The following SCN8A variants were observed in gnomAD, a reference collection of about 807,000 sequenced individuals.
SCN8A encodes sodium voltage-gated channel alpha subunit 8, also known as sodium channel protein type 8 subunit alpha.
SCN8A carries 30 observed loss-of-function variants against 184.1 expected under a neutral mutation model. The ratio of observed to expected loss-of-function variants is 0.16; its 90% CI spans 0.12 to 0.22. SCN8A has a LOEUF of 0.22. Among genes scored for constraint, SCN8A ranks in the 10% least tolerant of loss-of-function variants. The pLI is 1.00. For missense variants in SCN8A, 1,057 were observed against 2,498.9 expected, an observed-to-expected ratio of 0.42 and a Z score of 12.30; for synonymous variants, 852 against 907.0, an observed-to-expected ratio of 0.94 and a Z score of 1.09.
intron 11 of SCN8A, among the ~76,000 whole-genome samples, chr12:51,710,637 C>G (rs976121905): frequency 2.0e-5 from 3 of 152,060 alleles, no homozygotes; most frequent in African/African-American, 7.2e-5. Flanking sequence ...CCTGCTTGGG[C>G]AACAGAACAA....
intron 1 of SCN8A, among the ~76,000 whole-genome samples, chr12:51,629,526 G>T (rs1940151615): frequency 1.4e-5 from 2 of 146,546 alleles, no homozygotes; most frequent in African/African-American, 2.6e-5. Flanking sequence ...CAGGTACCTT[G>T]CAACTCTGGT....
chr12:51,721,127 T>G (rs554725788), intron 11 of SCN8A, among the ~76,000 whole-genome samples: 21 of 136,576 alleles, frequency 1.5e-4, no homozygotes, highest in African/African-American at 5.7e-4. Context: ...TATTGTTATA[T>G]ATATAATATT....
Position 51,807,683 on chromosome 12 carries a change from C to A in SCN8A, c.*254C>A. On this transcript the variant is annotated 3_prime_UTR_variant, in exon 27 of 27. Coordinates refer to ENST00000627620, the MANE Select transcript of SCN8A (RefSeq NM_001330260.2). The surrounding 1 kb of genome is among the most constrained non-coding windows in gnomAD (Gnocchi z 4.5). ...TGGTTACTGCATGTTCCACATCAGT[C>A]AATGCAACTTAGGACAAAACTAACC... The A allele has an allele frequency of 1.9e-6, 1 of 534,080 alleles. No individual in the cohort carries two copies. Among genetic ancestry groups the A allele is most frequent in the South Asian group, 2.3e-5 (1 of 43,438 alleles). The allele number at this position is 534,080 out of a possible 1,614,324, so 33.1% of individuals were successfully genotyped here.
Position 51,765,931 on chromosome 12 carries a change from G to A in SCN8A, c.2805G>A (p.Gly935=). The A allele has an allele frequency of 6.2e-7, 1 of 1,614,150 alleles. No homozygotes were observed. The highest frequency in any genetic ancestry group is 8.5e-7 in the Non-Finnish European group (1 of 1,180,022). The stretch of plus-strand genomic sequence containing the variant: ...TCATTGTCTTTCGAGTGTTGTGCGG[G>A]GAGTGGATTGAGACCATGTGGGACT... ...SFLIVFRVLC[G]EWIETMWDCM... is the part of the protein sequence containing the mutation. The change falls in exon 16 of 27, where the codon GGG becomes GGA. Residue 935 remains glycine, a synonymous_variant. Coordinates refer to ENST00000627620, the MANE Select transcript of SCN8A (RefSeq NM_001330260.2).
Position 51,794,648 on chromosome 12 carries a change from G to T in SCN8A, c.4795+7G>T. Reference sequence around the variant, plus strand: ...GTCATCCTCTCCATTGTGGGTGAGTGGGGTTGGGGAAGTAGGCGAGGGGAA... The same window carrying T: ...GTCATCCTCTCCATTGTGGGTGAGTTGGGTTGGGGAAGTAGGCGAGGGGAA... On this transcript the variant is annotated splice_region_variant and intron_variant, in intron 26 of 26. Transcript: ENST00000627620. 1 of 1,613,116 alleles carries T rather than the reference G, an allele frequency of 6.2e-7. No homozygotes were observed. Among genetic ancestry groups the T allele is most frequent in the South Asian group, 1.1e-5 (1 of 90,964 alleles).
chr12:51,603,498 T>C (rs1005208196), intron 1 of SCN8A, among the ~76,000 whole-genome samples: 10 of 152,208 alleles, frequency 6.6e-5, no homozygotes, highest in Non-Finnish European at 1.2e-4. Flanking sequence ...CTGCAAACAT[T>C]CATGTACAGG....
intron 12 of SCN8A, 87 bp from the exon 13 acceptor site, chr12:51,745,816 C>A: frequency 1.8e-6 from 2 of 1,107,986 alleles, no homozygotes; most frequent in Non-Finnish European, 1.2e-6. Context: ...ATGAAGATCA[C>A]ACACTGGACT....
chr12:51,769,662 C>T (rs746777542), intron 17 of SCN8A, among the ~76,000 whole-genome samples: 2 of 152,108 alleles, frequency 1.3e-5, no homozygotes, highest in Non-Finnish European at 2.9e-5. Flanking sequence ...GGGTCATTGC[C>T]GTCCGTGAGT....
In SCN8A at chr12:51,790,801, G is replaced by A. The variant is rs2241853; in HGVS notation, c.4524+299G>A. Among the ~76,000 whole-genome samples the A allele has an allele frequency of 0.14, 21,900 of 152,080 alleles. 1,933 individuals are homozygous for A. The highest frequency in any genetic ancestry group is 0.36 in the East Asian group (1,870 of 5,168). ...GAGATGTTTTTAGAGACAACCAAAA[G>A]TCAACAAGAGAAAATGAAATAAAGT... On this transcript the variant is annotated intron_variant, in intron 25 of 26. Coordinates refer to ENST00000627620, the MANE Select transcript of SCN8A (RefSeq NM_001330260.2).
At position 51,806,965 on chromosome 12, in the gene SCN8A, A is replaced by G. The variant is rs764115258; in HGVS notation, c.5479A>G (p.Ile1827Val). 5.6e-6 allele frequency: 9 copies of G among 1,613,824 alleles called. No homozygotes were observed. In the East Asian group the frequency reaches 1.3e-4, roughly 24 times the overall value. ...HPLRVPKPNT[I>V]ELIAMDLPMV... The stretch of plus-strand genomic sequence containing the variant: ...TCTCCGAGTGCCCAAGCCCAATACC[A>G]TTGAGCTCATCGCTATGGATCTGCC... Residue 1827 changes from isoleucine to valine, a missense_variant, in exon 27 of 27, where the codon ATT (isoleucine) becomes GTT (valine). Ile to Val is a conservative substitution (Grantham distance 29). This residue lies in a region of SCN8A where 50 missense variants were observed against 125.8 expected (regional missense o/e 0.40). Coordinates refer to ENST00000627620, the MANE Select transcript of SCN8A (RefSeq NM_001330260.2). The surrounding 1 kb of genome is among the most constrained non-coding windows in gnomAD (Gnocchi z 8.7).
intron 12 of SCN8A, among the ~76,000 whole-genome samples, chr12:51,743,259 T>C (rs1592138771): frequency 1.3e-5 from 2 of 152,206 alleles, no homozygotes; most frequent in Admixed American, 1.3e-4. Context: ...CTGCATGATC[T>C]TGATGCTTGT....
At chr12:51,737,824 A>G (rs1219820336) in intron 12 of SCN8A, among the ~76,000 whole-genome samples, 3 of 152,230 alleles carry the variant, frequency 2.0e-5, no homozygotes, top group Non-Finnish European at 4.4e-5. Context: ...TTTTAAATCT[A>G]TGACTGTTAA....
At chr12:51,717,349 A>G (rs955015472) in intron 11 of SCN8A, among the ~76,000 whole-genome samples, 1 of 152,240 alleles carries the variant, frequency 6.6e-6, no homozygotes, top group Non-Finnish European at 1.5e-5. Flanking sequence ...CCAATTCTTC[A>G]TGAACTGATA....
intron 26 of SCN8A, among the ~76,000 whole-genome samples, chr12:51,803,509 G>A (rs1938611877): frequency 6.6e-6 from 1 of 151,770 alleles, no homozygotes; most frequent in Admixed American, 6.6e-5. Flanking sequence ...AAGGAATTGG[G>A]GTAAAACTAG....
At chr12:51,745,122 T>C (rs1942489100) in intron 12 of SCN8A, among the ~76,000 whole-genome samples, 1 of 152,212 alleles carries the variant, frequency 6.6e-6, no homozygotes, top group Non-Finnish European at 1.5e-5. Context: ...AACCCTTTGC[T>C]GTAATCTACC....
chr12:51,688,237 G>A (rs992188500), intron 5 of SCN8A, among the ~76,000 whole-genome samples: 2 of 152,158 alleles, frequency 1.3e-5, no homozygotes, highest in Non-Finnish European at 2.9e-5. Flanking sequence ...CCCTGCTTTT[G>A]TATGTCACAG....
chr12:51,606,870 G>A (rs1939604701), intron 1 of SCN8A, among the ~76,000 whole-genome samples: 1 of 150,808 alleles, frequency 6.6e-6, no homozygotes, highest in Admixed American at 6.6e-5. Context: ...GCTATTGTAA[G>A]AGGGGTTGAG....
intron 26 of SCN8A, among the ~76,000 whole-genome samples, chr12:51,795,723 A>G (rs966351045): frequency 3.3e-5 from 5 of 152,300 alleles, no homozygotes; most frequent in African/African-American, 1.2e-4. Context: ...CACAGTGCAC[A>G]TTACTGAATT....
At chr12:51,719,945 G>A (rs994918864) in intron 11 of SCN8A, among the ~76,000 whole-genome samples, 30 of 151,654 alleles carry the variant, frequency 2.0e-4, no homozygotes, top group African/African-American at 2.4e-4. Flanking sequence ...GCGTGGTAGC[G>A]GGCGCCTGTA....
Sources: allele counts gnomAD v4.1 joint callset (sites outside exome capture counted in the v4.1 genomes callset), GRCh38; gene constraint gnomAD v4.1.1; regional missense constraint gnomAD v4.1.1; non-coding constraint Gnocchi (gnomAD v3.1); transcripts MANE v1.5; gene names NCBI Gene and HGNC (gene_info 2026-07-23, HGNC 2026-07-21).